FOXP1: variants seen among roughly 807,000 people sequenced by gnomAD.
FOXP1 encodes the protein forkhead box protein P1.
In FOXP1, 15 loss-of-function variants were observed where a neutral mutation model predicts 98.2. The ratio of observed to expected loss-of-function variants is 0.15; its 90% confidence interval spans 0.10 to 0.24. FOXP1 has a LOEUF of 0.24. Among genes scored for constraint, FOXP1 ranks in the 10% least tolerant of loss-of-function variants. FOXP1 has a pLI of 1.00. For synonymous variants in FOXP1, 371 were observed against 314.5 expected (o/e 1.18, Z -1.90); for missense variants, 633 against 848.5 (o/e 0.75, Z 3.15).
At chr3:71,064,885 G>GGGCGTGGGGTCC (rs2052182437) in intron 7 of FOXP1, 1 of 890,398 alleles carries the variant, frequency 1.1e-6, no homozygotes, top group African/African-American at 1.8e-5. Context: ...CGCGCGGGCC[G>GGGCGTGGGGTCC]GGCGTGGGGT....
chr3:71,169,341 T>C (rs1325488646), intron 6 of FOXP1, among the ~76,000 whole-genome samples: 9 of 152,208 alleles, frequency 5.9e-5, no homozygotes, highest in African/African-American at 2.2e-4. Context: ...CCCTGTCTTC[T>C]AACAGATGTC....
At chr3:71,387,065 T>A (rs2080646146) in intron 3 of FOXP1, among the ~76,000 whole-genome samples, 1 of 152,210 alleles carries the variant, frequency 6.6e-6, no homozygotes, top group African/African-American at 2.4e-5. Context: ...TTCACCCAGC[T>A]GCCATGAGCC....
At chr3:71,070,819 C>T (rs1422260785) in intron 7 of FOXP1, among the ~76,000 whole-genome samples, 1 of 152,158 alleles carries the variant, frequency 6.6e-6, no homozygotes, top group African/African-American at 2.4e-5. Flanking sequence ...AATATATCTC[C>T]AAGACGGGAA....
intron 3 of FOXP1, among the ~76,000 whole-genome samples, chr3:71,444,675 T>C (rs1232793263): frequency 6.6e-6 from 1 of 152,148 alleles, no homozygotes; most frequent in Non-Finnish European, 1.5e-5. Context: ...TGGACCCCAC[T>C]TTTTCCTGTT....
chr3:71,055,707 G>A (rs2050529728), intron 7 of FOXP1, among the ~76,000 whole-genome samples: 1 of 152,158 alleles, frequency 6.6e-6, no homozygotes, highest in South Asian at 2.1e-4. Context: ...GTGCCAATCG[G>A]TATCCTTTGA....
At chr3:71,071,058 C>T (rs563683235) in intron 7 of FOXP1, among the ~76,000 whole-genome samples, 9 of 152,146 alleles carry the variant, frequency 5.9e-5, no homozygotes, top group South Asian at 2.1e-4. Context: ...GCTCTGCGCT[C>T]GCTATGGCTT....
At chr3:71,369,841 A>G (rs1352914175) in intron 3 of FOXP1, among the ~76,000 whole-genome samples, 1 of 152,200 alleles carries the variant, frequency 6.6e-6, no homozygotes, top group African/African-American at 2.4e-5. Flanking sequence ...CATGCCAGAC[A>G]CTATGTTTGA....
At chr3:70,960,474 T>A (rs984664506) in intron 20 of FOXP1, among the ~76,000 whole-genome samples, 1 of 152,244 alleles carries the variant, frequency 6.6e-6, no homozygotes, top group African/African-American at 2.4e-5. Flanking sequence ...TTGAGAAATG[T>A]TGTTCGTAAA....
At chr3:71,241,081 G>A (rs964796641) in intron 5 of FOXP1, among the ~76,000 whole-genome samples, 1 of 151,348 alleles carries the variant, frequency 6.6e-6, no homozygotes, top group Non-Finnish European at 1.5e-5. Context: ...ATGGTGGCGG[G>A]TGCCTGTAAT....
chr3:70,989,963 C>A (rs1020685110), intron 13 of FOXP1, among the ~76,000 whole-genome samples: 9 of 152,214 alleles, frequency 5.9e-5, no homozygotes, highest in Non-Finnish European at 1.0e-4. Flanking sequence ...GGTAGCAACA[C>A]TACATTGCAA....
intron 3 of FOXP1, among the ~76,000 whole-genome samples, chr3:71,378,451 A>C (rs1214798193): frequency 6.6e-6 from 1 of 152,164 alleles, no homozygotes; most frequent in African/African-American, 2.4e-5. Flanking sequence ...CATGCTGAGC[A>C]GCGTGAGGAC....
intron 6 of FOXP1, among the ~76,000 whole-genome samples, chr3:71,172,486 G>A (rs1179894977): frequency 6.6e-6 from 1 of 152,134 alleles, no homozygotes; most frequent in African/African-American, 2.4e-5. Flanking sequence ...TGCTTACCAG[G>A]CATTTTGACC....
At chr3:71,275,692 A>G (rs2070808352) in intron 5 of FOXP1, among the ~76,000 whole-genome samples, 1 of 152,200 alleles carries the variant, frequency 6.6e-6, no homozygotes. Context: ...CCTGGAAGAA[A>G]ATCATTTGAA....
chr3:71,139,730 A>G (rs1297868570), intron 6 of FOXP1, among the ~76,000 whole-genome samples: 2 of 152,200 alleles, frequency 1.3e-5, no homozygotes, highest in Admixed American at 1.3e-4. Flanking sequence ...AAGGAAGCCA[A>G]CCAAGTGGAG....
intron 5 of FOXP1, among the ~76,000 whole-genome samples, chr3:71,280,324 T>TTTTA (rs2071398322): frequency 6.6e-6 from 1 of 151,374 alleles, no homozygotes; most frequent in African/African-American, 2.4e-5. Context: ...ACAATATCTT[T>TTTTA]TTTTTTTATT....
intron 4 of FOXP1, among the ~76,000 whole-genome samples, chr3:71,351,196 G>A (rs775724144): frequency 9.2e-5 from 14 of 152,138 alleles, no homozygotes; most frequent in Non-Finnish European, 4.4e-5. Flanking sequence ...CCAGAAGACT[G>A]CCACCAAGAC....
chr3:71,489,344 T>C (rs78168245), intron 3 of FOXP1, among the ~76,000 whole-genome samples: 37,221 of 152,062 alleles, frequency 0.24, 4,866 homozygotes, highest in Non-Finnish European at 0.29. Context: ...CACATAACAA[T>C]GAATGTTGCG....
At chr3:71,565,504 C>T (rs929867904) in intron 2 of FOXP1, among the ~76,000 whole-genome samples, 4 of 152,106 alleles carry the variant, frequency 2.6e-5, no homozygotes, top group East Asian at 1.9e-4. Flanking sequence ...TTACTCAAGA[C>T]GACACCTGCC....
chr3:71,433,572 T>G (rs1004965819), intron 3 of FOXP1, among the ~76,000 whole-genome samples: 8 of 152,194 alleles, frequency 5.3e-5, no homozygotes, highest in Admixed American at 1.3e-4. Context: ...GGGAAGGGTC[T>G]GTAAACTAAA....
Sources: gnomAD v4.1 joint callset for allele counts (sites outside exome capture counted in the v4.1 genomes callset) on GRCh38, gnomAD v4.1.1 for gene constraint, MANE v1.5 for transcripts, NCBI Gene and HGNC (gene_info 2026-07-23, HGNC 2026-07-21) for gene names.